Variants in GIGYF1 observed in about 807,000 individuals in gnomAD.
GIGYF1 encodes the protein GRB10-interacting GYF protein 1.
A neutral mutation model predicts 147.1 loss-of-function variants in GIGYF1; 84 were observed. The observed-to-expected ratio is 0.57, with a 90% confidence interval of 0.48 to 0.68. The LOEUF (loss-of-function observed/expected upper bound fraction) is 0.68. Among genes scored for constraint, GIGYF1 ranks in the 30% least tolerant of loss-of-function variants. The probability of loss-of-function intolerance (pLI) is 0.00; values close to 1 mark genes in which losing one functional copy is unlikely to be tolerated. For synonymous variants in GIGYF1, 752 were observed against 589.5 expected (o/e 1.28, Z -3.99); for missense variants, 1,485 against 1,393.7 (o/e 1.07, Z -1.04).
In GIGYF1 at chr7:100,681,516, T is replaced by G. The variant is rs190509510; in HGVS notation, c.*203A>C. 2,203 of 399,944 alleles carry G rather than the reference T, an allele frequency of 5.5e-3. 33 individuals carry two copies. The highest frequency in any genetic ancestry group is 0.042 in the African/African-American group (1,912 of 45,928). The allele number at this position is 399,944 out of a possible 1,614,324, so 24.8% of individuals were successfully genotyped here. A position where few individuals can be genotyped will look rare whatever the true frequency, so the allele number is the denominator to read the frequency against. On this transcript the variant is annotated 3_prime_UTR_variant, in exon 27 of 27. Transcript: ENST00000678049. ...AGTCGTTTAAAATTAAAAAAAAAAATAAAAAGAAAAACCCCCTCCCCCAGT... is the reference window on the plus strand; with the variant it reads ...AGTCGTTTAAAATTAAAAAAAAAAAGAAAAAGAAAAACCCCCTCCCCCAGT...
chr7:100,687,954 G>A (rs775499847), intron 5 of GIGYF1, 27 bp downstream of exon 5: 9 of 1,609,180 alleles, frequency 5.6e-6, no homozygotes, highest in Admixed American at 1.7e-5. Flanking sequence ...GGCCACCACC[G>A]CCAACCCCCC....
intron 22 of GIGYF1, 41 bp from the exon 23 acceptor site, chr7:100,682,818 C>T: frequency 1.3e-6 from 2 of 1,505,382 alleles, no homozygotes; most frequent in South Asian, 1.3e-5. Flanking sequence ...AACAAAGGCA[C>T]CCCAGAAAAG....
At position 100,683,106 on chromosome 7, in the gene GIGYF1, G is replaced by A. The variant is rs376603210; in HGVS notation, c.2318C>T (p.Thr773Met). Reference sequence around the variant, plus strand: ...GCCCTCCAGCTGCAACTCCAGGAGCGTCTTCATGGACAGCCCCTGCTTGGC... The same window carrying A: ...GCCCTCCAGCTGCAACTCCAGGAGCATCTTCATGGACAGCCCCTGCTTGGC... The part of the protein sequence containing the change: ...GLAKQGLSMK[T>M]LLELQLEGER... The change falls in exon 22 of 27, where the codon ACG becomes ATG. Residue 773 changes from threonine (T) to methionine (M), a missense_variant. Physicochemically the swap from Thr to Met is moderately conservative, Grantham distance 81. Coordinates refer to ENST00000678049, the MANE Select transcript of GIGYF1 (RefSeq NM_001375765.1). 1.3e-4 allele frequency: 213 copies of A among 1,592,300 alleles called. No individual in the cohort carries two copies. Among genetic ancestry groups the A allele is most frequent in the Non-Finnish European group, 1.5e-4 (176 of 1,174,412 alleles).
At chr7:100,694,079 G>A (rs183181389) in intron 1 of GIGYF1, 31 bp downstream of exon 1, 31,178 of 145,848 alleles carry the variant, frequency 0.21, 3,392 homozygotes, top group Non-Finnish European at 0.25. Flanking sequence ...TGGGCTGCGG[G>A]CCGGGGGCCG....
chr7:100,692,023 ACACAGAG>A (rs1805869737), intron 1 of GIGYF1, among the ~76,000 whole-genome samples: 2 of 152,212 alleles, frequency 1.3e-5, no homozygotes, highest in East Asian at 3.9e-4. Flanking sequence ...ATTAGCTCCA[ACACAGAG>A]CACTGTGCCT....
chr7:100,685,579 T>A, intron 12 of GIGYF1, 98 bp from the exon 13 acceptor site: 3 of 1,355,558 alleles, frequency 2.2e-6, no homozygotes, highest in Non-Finnish European at 3.0e-6. Context: ...CGGGTCACAC[T>A]CCCTTAGGCC....
Position 100,687,512 on chromosome 7 carries a change from C to T in GIGYF1, c.366G>A (p.Arg122=), listed in dbSNP as rs757073077. The change falls in exon 7 of 27, where the codon CGG becomes CGA. Residue 122 remains arginine, a synonymous_variant. Coordinates refer to ENST00000678049, the MANE Select transcript of GIGYF1 (RefSeq NM_001375765.1). ...AGTSRGRGST[R]SRGRGRGDSC... is the part of the protein sequence containing the mutation. The stretch of plus-strand genomic sequence containing the variant: ...ACGCCATCACCCCTCTACCTCGGCT[C>T]CGCGTGCTGCCCCTGCCTCGGGAGG... 3 of 1,611,546 alleles carry T rather than the reference C, an allele frequency of 1.9e-6. No homozygotes were observed. Among genetic ancestry groups the T allele is most frequent in the Admixed American group, 1.7e-5 (1 of 59,906 alleles).
Position 100,687,426 on chromosome 7 carries a change from C to T in GIGYF1, c.374-20G>A. On this transcript the variant is annotated intron_variant, in intron 7 of 26. Coordinates refer to ENST00000678049, the MANE Select transcript of GIGYF1 (RefSeq NM_001375765.1). Reference sequence around the variant, plus strand: ...CGCGGCCTAGAGAAGAGGCCAGACGCACAATGAAACCTGCTGCACGTTCTC... The same window carrying T: ...CGCGGCCTAGAGAAGAGGCCAGACGTACAATGAAACCTGCTGCACGTTCTC... The T allele has an allele frequency of 1.9e-6, 3 of 1,612,210 alleles. No individual in the cohort carries two copies. Among genetic ancestry groups the T allele is most frequent in the Non-Finnish European group, 2.5e-6 (3 of 1,179,154 alleles).
At chr7:100,685,738 C>T (rs756712219) in intron 12 of GIGYF1, among the ~76,000 whole-genome samples, 4 of 152,208 alleles carry the variant, frequency 2.6e-5, no homozygotes, top group East Asian at 1.9e-4. Flanking sequence ...CCAGGTTCTA[C>T]AGCTTCTTCA....
rs376818698 is a variant in GIGYF1 at position 100,684,842 on chromosome 7, T to C, written c.1343A>G (p.Gln448Arg). ...SLQDSSLEEE[Q>R]FTAAMQTQGL... ...CTGGGTCTGCATGGCAGCCGTGAACTGCTCCTCCTCCAAGGAGCTGTCCTG... is the reference window on the plus strand; with the variant it reads ...CTGGGTCTGCATGGCAGCCGTGAACCGCTCCTCCTCCAAGGAGCTGTCCTG... The change falls in exon 15 of 27, where the codon CAG becomes CGG. Residue 448 changes from glutamine to arginine, a missense_variant. Coordinates refer to ENST00000678049, the MANE Select transcript of GIGYF1 (RefSeq NM_001375765.1). 1.8e-5 allele frequency: 29 copies of C among 1,606,352 alleles called. No homozygotes were observed. The highest frequency in any genetic ancestry group is 2.4e-5 in the Non-Finnish European group (28 of 1,175,872).
rs1387475929 is a variant in GIGYF1, at chr7:100,680,801, AGG to A, written c.*916_*917del. The A allele has an allele frequency of 2.6e-5, 4 of 152,792 alleles. No individual in the cohort carries two copies. The highest frequency in any genetic ancestry group is 9.6e-5 in the African/African-American group (4 of 41,468). The allele number at this position is 152,792 out of a possible 1,614,324, so 9.5% of individuals were successfully genotyped here. ...GCCGCTCACAGGGGTGAGGCAGCTC[AGG>A]CAGGGGTGAGGCGGGGGCTTGTGGC... On this transcript the variant is annotated 3_prime_UTR_variant, in exon 27 of 27. Coordinates refer to ENST00000678049, the MANE Select transcript of GIGYF1 (RefSeq NM_001375765.1).
intron 1 of GIGYF1, among the ~76,000 whole-genome samples, chr7:100,693,115 A>T (rs1402323557): frequency 6.6e-6 from 1 of 151,962 alleles, no homozygotes; most frequent in African/African-American, 2.4e-5. Flanking sequence ...GGCAGGAGGG[A>T]AGTAAGGCTT....
At chr7:100,687,093 G>A in intron 8 of GIGYF1, 47 bp from the exon 9 acceptor site, 1 of 1,611,226 alleles carries the variant, frequency 6.2e-7, no homozygotes, top group African/African-American at 1.3e-5. Flanking sequence ...AGCCTCCCCT[G>A]CCACCCTGTG....
Position 100,686,685 on chromosome 7 carries a change from G to T in GIGYF1, c.658C>A (p.Arg220=), listed in dbSNP as rs758231819. The change falls in exon 10 of 27, where the codon CGG becomes AGG. Residue 220 remains arginine (R), a synonymous_variant. Coordinates refer to ENST00000678049, the MANE Select transcript of GIGYF1 (RefSeq NM_001375765.1). The part of the protein sequence containing the change: ...EGSWRLGAGP[R]RDGDRWRSAS... Reference sequence around the variant, plus strand: ...GAGCGCCAGCGGTCGCCGTCTCGCCGGGGCCCTGCTCCGAGCCTCCAGCTG... The same window carrying T: ...GAGCGCCAGCGGTCGCCGTCTCGCCTGGGCCCTGCTCCGAGCCTCCAGCTG... 1.9e-6 allele frequency: 3 copies of T among 1,612,834 alleles called. No individual in the cohort carries two copies. The highest frequency in any genetic ancestry group is 2.2e-5 in the South Asian group (2 of 91,068).
chr7:100,684,022 G>C lies in GIGYF1; in HGVS notation c.1866C>G (p.Pro622=). ...GAGGGCTCGCACGCACCACGCACCT[G>C]GGGGGTTTGAGCGCCTGGAGCTGCT... is the stretch of plus-strand genomic sequence containing the variant. ...FLQQLQALKP[P]RGGDQNLLPT... is the part of the protein sequence containing the mutation. The change falls in exon 18 of 27, where the codon CCC becomes CCG. Residue 622 remains proline, a splice_region_variant and synonymous_variant. Coordinates refer to ENST00000678049, the MANE Select transcript of GIGYF1 (RefSeq NM_001375765.1). 6.2e-7 allele frequency: 1 copy of C among 1,604,118 alleles called. No individual in the cohort carries two copies. Among genetic ancestry groups the C allele is most frequent in the South Asian group, 1.1e-5 (1 of 90,664 alleles).
In GIGYF1 at chr7:100,686,782, C is replaced by T. The variant is rs1036788830; in HGVS notation, c.561G>A (p.Arg187=). The change falls in exon 10 of 27, where the codon AGG becomes AGA. Residue 187 remains arginine, a synonymous_variant. Coordinates refer to ENST00000678049, the MANE Select transcript of GIGYF1 (RefSeq NM_001375765.1). The stretch of plus-strand genomic sequence containing the variant: ...CGCTGTCTGAGCGGGCGTGCTCCTT[C>T]CTTGGGCCAGCCCCTCCCTCCTCAA... ...CGFEEGGAGP[R]KEHARSDSEN... 4 of 1,613,942 alleles carry T rather than the reference C, an allele frequency of 2.5e-6. No homozygotes were observed. The highest frequency in any genetic ancestry group is 2.5e-6 in the Non-Finnish European group (3 of 1,180,006).
At chr7:100,687,442 G>A (rs377583044) in intron 7 of GIGYF1, 36 bp from the exon 8 acceptor site, 3 of 1,608,198 alleles carry the variant, frequency 1.9e-6, no homozygotes, top group Admixed American at 1.7e-5. Flanking sequence ...GAAACCTGCT[G>A]CACGTTCTCG....
intron 23 of GIGYF1, 45 bp from the exon 24 acceptor site, chr7:100,682,527 G>T (rs1019035432): frequency 6.2e-7 from 1 of 1,600,248 alleles, no homozygotes; most frequent in Admixed American, 1.7e-5. Flanking sequence ...GCTGGCAGGG[G>T]TTGGGGGGGT....
At chr7:100,693,649 G>A (rs1562890153) in intron 1 of GIGYF1, among the ~76,000 whole-genome samples, 2 of 152,168 alleles carry the variant, frequency 1.3e-5, no homozygotes, top group African/African-American at 4.8e-5. Context: ...CGGGAAGCGC[G>A]GGGCCCGGCC....
Sources: allele counts gnomAD v4.1 joint callset (sites outside exome capture counted in the v4.1 genomes callset), GRCh38; gene constraint gnomAD v4.1.1; transcripts MANE v1.5; gene names NCBI Gene and HGNC (gene_info 2026-07-23, HGNC 2026-07-21).